The following SGK3 variants were observed in gnomAD, a reference collection of about 807,000 sequenced individuals.
SGK3 encodes the protein serine/threonine-protein kinase Sgk3.
In SGK3, 47 loss-of-function variants were observed where a neutral mutation model predicts 68.5. That is an observed-to-expected ratio of 0.69 (90% CI 0.54 to 0.87). The LOEUF is 0.87. Ranked by LOEUF, SGK3 falls within the 40% of genes least tolerant of loss-of-function variation. The pLI, the probability that SGK3 is intolerant of heterozygous loss-of-function variation, is 0.00. For synonymous variants in SGK3, 181 were observed against 189.1 expected (o/e 0.96, Z 0.35); for missense variants, 479 against 575.5 (o/e 0.83, Z 1.72).
chr8:66,857,909 T>C (rs1253035861), intron 16 of SGK3, among the ~76,000 whole-genome samples: 1 of 150,300 alleles, frequency 6.7e-6, no homozygotes, highest in Non-Finnish European at 1.5e-5. Flanking sequence ...CCTTTGAGCC[T>C]AAGCAGCCAT....
intron 1 of SGK3, among the ~76,000 whole-genome samples, chr8:66,719,393 T>C (rs1005334918): frequency 6.6e-6 from 1 of 152,138 alleles, no homozygotes; most frequent in Non-Finnish European, 1.5e-5. Flanking sequence ...GTGGCACGAC[T>C]GTGACTCACT....
intron 1 of SGK3, among the ~76,000 whole-genome samples, chr8:66,760,205 G>C (rs1806114376): frequency 6.6e-6 from 1 of 151,170 alleles, no homozygotes; most frequent in African/African-American, 2.5e-5. Context: ...ACGAGGTCAT[G>C]GTGGCAGAAA....
chr8:66,784,342 A>G (rs1185620551), intron 1 of SGK3, among the ~76,000 whole-genome samples: 2 of 152,094 alleles, frequency 1.3e-5, no homozygotes, highest in Non-Finnish European at 2.9e-5. Flanking sequence ...TCACAAGCCA[A>G]ATTCCTTCCT....
At chr8:66,799,027 G>C (rs1345049024) in intron 3 of SGK3, among the ~76,000 whole-genome samples, 2 of 152,156 alleles carry the variant, frequency 1.3e-5, no homozygotes, top group African/African-American at 4.8e-5. Flanking sequence ...CATTCTTAGA[G>C]ATATGTCTTA....
intron 1 of SGK3, among the ~76,000 whole-genome samples, chr8:66,719,115 A>T (rs999329552): frequency 1.3e-5 from 2 of 152,262 alleles, no homozygotes; most frequent in Middle Eastern, 3.4e-3. Context: ...AATTCAAGCA[A>T]TTGAGAAGCA....
intron 5 of SGK3, among the ~76,000 whole-genome samples, chr8:66,820,150 C>G (rs1808751433): frequency 6.6e-6 from 1 of 152,114 alleles, no homozygotes; most frequent in South Asian, 2.1e-4. Context: ...TGCTTTACAA[C>G]CATCATCACT....
chr8:66,786,485 G>A (rs1807204383), intron 1 of SGK3, among the ~76,000 whole-genome samples: 1 of 152,220 alleles, frequency 6.6e-6, no homozygotes, highest in Admixed American at 6.5e-5. Flanking sequence ...TAGGTTGCCA[G>A]TTCAATTTAG....
chr8:66,831,339 T>C, intron 8 of SGK3, 28 bp downstream of exon 8: 15 of 1,609,174 alleles, frequency 9.3e-6, no homozygotes, highest in Non-Finnish European at 1.2e-5. Context: ...GGTTTTTATT[T>C]GGTTTTGGTT....
At chr8:66,782,453 G>A (rs1807028240) in intron 1 of SGK3, among the ~76,000 whole-genome samples, 2 of 151,850 alleles carry the variant, frequency 1.3e-5, no homozygotes, top group African/African-American at 4.8e-5. Flanking sequence ...TGGTACATAT[G>A]TTACAATCGG....
intron 1 of SGK3, among the ~76,000 whole-genome samples, chr8:66,749,011 C>T (rs542934276): frequency 2.0e-5 from 3 of 152,270 alleles, no homozygotes; most frequent in South Asian, 2.1e-4. Context: ...CCTCCCATCT[C>T]AGCCGCTTGA....
At chr8:66,777,757 C>T (rs1806769242) in intron 1 of SGK3, among the ~76,000 whole-genome samples, 2 of 152,166 alleles carry the variant, frequency 1.3e-5, no homozygotes, top group South Asian at 4.1e-4. Flanking sequence ...GAATTCCCTA[C>T]AACATGATTT....
chr8:66,859,156 C>T (rs1406784119), intron 16 of SGK3, among the ~76,000 whole-genome samples: 1 of 152,042 alleles, frequency 6.6e-6, no homozygotes, highest in Non-Finnish European at 1.5e-5. Flanking sequence ...CATGATGAAA[C>T]CCTGTCTGTA....
At chr8:66,790,583 G>A (rs1176051614) in intron 1 of SGK3, 1 of 152,164 alleles carries the variant, frequency 6.6e-6, no homozygotes, top group East Asian at 1.9e-4. Flanking sequence ...CAAACCCTGG[G>A]CTTGATCTTT....
intron 1 of SGK3, chr8:66,767,298 G>C (rs1806348130): frequency 1.3e-6 from 1 of 741,228 alleles, no homozygotes; most frequent in South Asian, 1.9e-5. Context: ...CCTTTTAATG[G>C]TTATTTTATT....
intron 6 of SGK3, among the ~76,000 whole-genome samples, chr8:66,827,563 G>T (rs1167215613): frequency 6.6e-6 from 1 of 151,936 alleles, no homozygotes; most frequent in East Asian, 1.9e-4. Flanking sequence ...GAGGTTTAAA[G>T]TTCATTTATG....
Position 66,716,851 on chromosome 8 carries a change from T to C in SGK3, c.-122+4018T>C, listed in dbSNP as rs564515989. On this transcript the variant is annotated intron_variant, in intron 1 of 16. Transcript: ENST00000521198. ...CTTTGTACCATCAAGTGCAGAAGTG[T>C]TCTTGTAGGTAGCTTTCTTCAAGCC... Among the ~76,000 whole-genome samples the C allele has an allele frequency of 2.6e-5, 4 of 152,178 alleles. No homozygotes were observed. In the East Asian group the frequency reaches 7.7e-4, roughly 29 times the overall value.
chr8:66,856,910 T>C (rs1810535063), intron 16 of SGK3, among the ~76,000 whole-genome samples: 1 of 152,078 alleles, frequency 6.6e-6, no homozygotes, highest in Admixed American at 6.5e-5. Context: ...CTGGCCAACA[T>C]GGTGAAACCC....
At chr8:66,820,520 A>T (rs1214603988) in intron 5 of SGK3, among the ~76,000 whole-genome samples, 1 of 152,142 alleles carries the variant, frequency 6.6e-6, no homozygotes, top group Non-Finnish European at 1.5e-5. Flanking sequence ...AGAAATCATG[A>T]ATGAGTTTTT....
intron 14 of SGK3, among the ~76,000 whole-genome samples, chr8:66,846,036 C>T (rs1035931257): frequency 2.0e-5 from 3 of 151,592 alleles, no homozygotes; most frequent in Non-Finnish European, 4.4e-5. Flanking sequence ...TAAAAACAAA[C>T]CCACAAGGGT....
Sources: gnomAD v4.1 joint callset for allele counts (sites outside exome capture counted in the v4.1 genomes callset) on GRCh38, gnomAD v4.1.1 for gene constraint, MANE v1.5 for transcripts, NCBI Gene and HGNC (gene_info 2026-07-23, HGNC 2026-07-21) for gene names.